IFFO2: variants seen among roughly 807,000 people sequenced by gnomAD.
The protein encoded by IFFO2 is intermediate filament family orphan 2.
IFFO2 carries 19 observed loss-of-function variants against 53.5 expected under a neutral mutation model. The ratio of observed to expected loss-of-function variants is 0.36; its 90% CI spans 0.25 to 0.52. The LOEUF is 0.52. Among genes scored for constraint, IFFO2 ranks in the 20% least tolerant of loss-of-function variants. IFFO2 has a pLI of 0.94. For synonymous variants in IFFO2, 303 were observed against 313.6 expected, an observed-to-expected ratio of 0.97 and a Z score of 0.36; for missense variants, 570 against 727.4, an observed-to-expected ratio of 0.78 and a Z score of 2.49.
rs1936454257 is a variant in IFFO2, at chr1:18,936,773, G to A, written c.666-15652C>T. Among the ~76,000 whole-genome samples, 2 of 152,278 alleles carry A rather than the reference G, an allele frequency of 1.3e-5. No individual in the cohort carries two copies. Among genetic ancestry groups the A allele is most frequent in the South Asian group, 4.1e-4 (2 of 4,826 alleles). ...ATCATGTGCAGCCTGAAAAAATGAG[G>A]GGCTGGCAGCCAGGCAGAGCCCACC... On this transcript the variant is annotated intron_variant, in intron 1 of 8. Transcript: ENST00000455833. The surrounding 1 kb of genome is among the most constrained non-coding windows in gnomAD (Gnocchi z 4.5).
At chr1:18,935,497 C>A (rs909151529) in intron 1 of IFFO2, among the ~76,000 whole-genome samples, 5 of 152,036 alleles carry the variant, frequency 3.3e-5, no homozygotes, top group Non-Finnish European at 7.4e-5. Flanking sequence ...CCCCTTTGTC[C>A]TTTTCCTCTC....
At chr1:18,920,490 G>A (rs955912705) in intron 2 of IFFO2, among the ~76,000 whole-genome samples, 1 of 152,234 alleles carries the variant, frequency 6.6e-6, no homozygotes, top group Non-Finnish European at 1.5e-5. Context: ...TGTCAGAGAG[G>A]AAAATAGAGG....
rs537460260 is a variant in IFFO2, at chr1:18,954,530, T to G, written c.665+1138A>C. Among the ~76,000 whole-genome samples, 9 of 152,334 alleles carry G rather than the reference T, an allele frequency of 5.9e-5. No homozygotes were observed. The East Asian group carries it at 1.7e-3, about 29-fold the overall frequency. ...CCTTCTCAGTACATCCTCCAAGCCC[T>G]GGAGTTCAGAGCCAATAGCTCCGAA... On this transcript the variant is annotated intron_variant, in intron 1 of 8. Coordinates refer to ENST00000455833, the MANE Select transcript of IFFO2 (RefSeq NM_001136265.2).
intron 1 of IFFO2, among the ~76,000 whole-genome samples, chr1:18,939,481 C>A (rs1156305414): frequency 1.3e-5 from 2 of 152,208 alleles, no homozygotes; most frequent in Non-Finnish European, 1.5e-5. Flanking sequence ...AAAGATGGGA[C>A]CAGAGTGATC....
At chr1:18,926,511 G>A (rs372533662) in intron 1 of IFFO2, among the ~76,000 whole-genome samples, 5 of 152,164 alleles carry the variant, frequency 3.3e-5, no homozygotes, top group African/African-American at 1.2e-4. Context: ...CAGGGGCCTC[G>A]GCCACCATCT....
At position 18,904,413 on chromosome 1, in the gene IFFO2, C is replaced by G. The variant is rs556192524; in HGVS notation, c.*4148G>C. 2.0e-5 allele frequency: 3 copies of G among 152,288 alleles called. No homozygotes were observed. Among genetic ancestry groups the G allele is most frequent in the South Asian group, 4.1e-4 (2 of 4,824 alleles). 9.4% of individuals were successfully genotyped at this position (152,288 alleles called of 1,614,324 possible). Reference sequence around the variant, plus strand: ...AGTCTTTCCATGAGTATAAATCCCCCCCTTCCCTGTGATGCTAGACCCAGC... The same window carrying G: ...AGTCTTTCCATGAGTATAAATCCCCGCCTTCCCTGTGATGCTAGACCCAGC... On this transcript the variant is annotated 3_prime_UTR_variant, in exon 9 of 9. Coordinates refer to ENST00000455833, the MANE Select transcript of IFFO2 (RefSeq NM_001136265.2).
At chr1:18,937,551 C>A (rs1244713820) in intron 1 of IFFO2, among the ~76,000 whole-genome samples, 1 of 152,148 alleles carries the variant, frequency 6.6e-6, no homozygotes, top group Non-Finnish European at 1.5e-5. Flanking sequence ...GAAGTCAGTC[C>A]CCTTAAGATG....
At chr1:18,929,334 G>T (rs916066987) in intron 1 of IFFO2, among the ~76,000 whole-genome samples, 5 of 152,168 alleles carry the variant, frequency 3.3e-5, no homozygotes, top group African/African-American at 1.2e-4. Context: ...TGTCACCCTG[G>T]CTCTACCCAC....
chr1:18,926,098 A>T (rs55945557), intron 1 of IFFO2, among the ~76,000 whole-genome samples: 5 of 94,038 alleles, frequency 5.3e-5, no homozygotes, highest in African/African-American at 1.4e-4. Context: ...GGATGGATGG[A>T]TGGATTGGTT....
intron 1 of IFFO2, among the ~76,000 whole-genome samples, chr1:18,926,934 C>A (rs1201102297): frequency 1.3e-5 from 2 of 152,152 alleles, no homozygotes; most frequent in Non-Finnish European, 2.9e-5. Context: ...ATGAAGCCCT[C>A]CAGGGACGAA....
chr1:18,946,645 C>T (rs1391751340), intron 1 of IFFO2, among the ~76,000 whole-genome samples: 16 of 151,806 alleles, frequency 1.1e-4, no homozygotes, highest in Non-Finnish European at 2.4e-4. Flanking sequence ...TCTTGAACTC[C>T]TGACCTCATG....
At chr1:18,911,926 T>C in intron 6 of IFFO2, 37 bp downstream of exon 6, 1 of 1,550,426 alleles carries the variant, frequency 6.4e-7, no homozygotes, top group Non-Finnish European at 8.7e-7. Flanking sequence ...CCCAGACCCC[T>C]AGTCCTGGCC....
Position 18,947,282 on chromosome 1 carries a change from G to A in IFFO2, c.665+8386C>T, listed in dbSNP as rs148125058. ...CTCCCAAACAGCCACCAGAATGCCC[G>A]AGGCCCTCTGCTGCTGGTGATCCGT... On this transcript the variant is annotated intron_variant, in intron 1 of 8. Coordinates refer to ENST00000455833, the MANE Select transcript of IFFO2 (RefSeq NM_001136265.2). This position sits in a 1 kb window ranked among gnomAD's most constrained non-coding sequence, Gnocchi z 5.0. Among the ~76,000 whole-genome samples the A allele has an allele frequency of 5.9e-5, 9 of 152,356 alleles. No homozygotes were observed. The highest frequency in any genetic ancestry group is 2.6e-4 in the Admixed American group (4 of 15,308).
rs114053047 is a variant in IFFO2, at chr1:18,908,076, C to T, written c.*485G>A. 341 of 162,430 alleles carry T rather than the reference C, an allele frequency of 2.1e-3. 3 individuals are homozygous for T. The highest frequency in any genetic ancestry group is 5.0e-3 in the African/African-American group (198 of 39,574). 10.1% of individuals were successfully genotyped at this position (162,430 alleles called of 1,614,324 possible). ...GGGGGTTGGCAGAGCACCCCAAGCT[C>T]CAGGCCGAGTCTGGGCTGGCTCAGG... On this transcript the variant is annotated 3_prime_UTR_variant, in exon 9 of 9. Coordinates refer to ENST00000455833, the MANE Select transcript of IFFO2 (RefSeq NM_001136265.2).
chr1:18,916,536 C>T lies in IFFO2; in HGVS notation c.1103+367G>A, dbSNP rs974775781. 2.6e-5 allele frequency among the ~76,000 whole-genome samples: 4 copies of T among 152,178 alleles called. No homozygotes were observed. Among genetic ancestry groups the T allele is most frequent in the Non-Finnish European group, 5.9e-5 (4 of 68,018 alleles). ...ATCCCAGCACTTTGGGAGGCCAAGG[C>T]AGAAGCATCGCTTGAGCTCAGGAAT... On this transcript the variant is annotated intron_variant, in intron 5 of 8. Coordinates refer to ENST00000455833, the MANE Select transcript of IFFO2 (RefSeq NM_001136265.2). The surrounding 1 kb of genome is among the most constrained non-coding windows in gnomAD (Gnocchi z 4.3).
chr1:18,914,140 T>C (rs1262901904), intron 5 of IFFO2, among the ~76,000 whole-genome samples: 1 of 152,254 alleles, frequency 6.6e-6, no homozygotes, highest in African/African-American at 2.4e-5. Flanking sequence ...CTGTTTGTTT[T>C]AACTTAGGTA....
intron 5 of IFFO2, among the ~76,000 whole-genome samples, chr1:18,912,639 G>A (rs1295159097): frequency 6.6e-6 from 1 of 152,154 alleles, no homozygotes; most frequent in Non-Finnish European, 1.5e-5. Flanking sequence ...CCCATTAGGT[G>A]CTGGGCACTG....
chr1:18,915,833 A>G (rs1445783460), intron 5 of IFFO2, among the ~76,000 whole-genome samples: 1 of 152,168 alleles, frequency 6.6e-6, no homozygotes, highest in Non-Finnish European at 1.5e-5. Context: ...CTGCTCAAGA[A>G]CGGCCCACAG....
intron 6 of IFFO2, 74 bp from the exon 7 acceptor site, chr1:18,911,550 T>C (rs904500566): frequency 7.2e-5 from 51 of 707,460 alleles, no homozygotes; most frequent in East Asian, 9.3e-5. Context: ...TTTATTTATT[T>C]ATTCTTGAGA....
Sources: allele counts gnomAD v4.1 joint callset (sites outside exome capture counted in the v4.1 genomes callset), GRCh38; gene constraint gnomAD v4.1.1; non-coding constraint Gnocchi (gnomAD v3.1); transcripts MANE v1.5; gene names NCBI Gene and HGNC (gene_info 2026-07-23, HGNC 2026-07-21).